The following PDE7A variants were observed in gnomAD, a reference collection of about 807,000 sequenced individuals.
PDE7A encodes the protein phosphodiesterase 7A.
A neutral mutation model predicts 64.3 loss-of-function variants in PDE7A; 39 were observed. The ratio of observed to expected loss-of-function variants is 0.61; its 90% CI spans 0.47 to 0.79. The LOEUF (loss-of-function observed/expected upper bound fraction) is 0.79. PDE7A is among the 30% of genes least tolerant of loss of function. The pLI, the probability that PDE7A is intolerant of heterozygous loss-of-function variation, is 0.00. For missense variants in PDE7A, 470 were observed against 582.8 expected (o/e 0.81, Z 1.99); for synonymous variants, 203 against 206.8 (o/e 0.98, Z 0.16).
intron 3 of PDE7A, among the ~76,000 whole-genome samples, chr8:65,759,341 G>A (rs1301041407): frequency 6.6e-6 from 1 of 152,146 alleles, no homozygotes; most frequent in East Asian, 1.9e-4. Context: ...AGGCCAAGAG[G>A]GCCAAATCTT....
intron 6 of PDE7A, 53 bp from the exon 7 acceptor site, chr8:65,734,947 G>A: frequency 2.7e-6 from 3 of 1,099,682 alleles, no homozygotes; most frequent in Non-Finnish European, 4.2e-6. Context: ...ACATATACAA[G>A]GACAAAAATT....
chr8:65,829,174 T>C (rs920786409), intron 1 of PDE7A, among the ~76,000 whole-genome samples: 3 of 152,134 alleles, frequency 2.0e-5, no homozygotes, highest in Admixed American at 6.5e-5. Flanking sequence ...GCTCGCTGTA[T>C]GTTATGATAT....
At chr8:65,812,218 A>AC (rs1421359730) in intron 1 of PDE7A, among the ~76,000 whole-genome samples, 1 of 152,114 alleles carries the variant, frequency 6.6e-6, no homozygotes, top group Non-Finnish European at 1.5e-5. Context: ...AACAGAAAAA[A>AC]AAAAAAAAAA....
intron 1 of PDE7A, among the ~76,000 whole-genome samples, chr8:65,813,229 C>T (rs1040934384): frequency 1.3e-4 from 20 of 152,094 alleles, no homozygotes; most frequent in South Asian, 4.1e-4. Flanking sequence ...TCTACCACTT[C>T]TAGAAATGAA....
At position 65,830,567 on chromosome 8, in the gene PDE7A, T is replaced by G. The variant is rs555308023; in HGVS notation, c.138+10804A>C. Among the ~76,000 whole-genome samples the G allele has an allele frequency of 2.6e-5, 4 of 152,166 alleles. No individual in the cohort carries two copies. In the South Asian group the frequency reaches 8.3e-4, roughly 32 times the overall value. On this transcript the variant is annotated intron_variant, in intron 1 of 12. Coordinates refer to ENST00000401827, the MANE Select transcript of PDE7A (RefSeq NM_001242318.3). ...AAATGGATAAAATAATTGAAATAAATCAGCCCCATCTATCCCACTGAAAAC... is the reference window on the plus strand; with the variant it reads ...AAATGGATAAAATAATTGAAATAAAGCAGCCCCATCTATCCCACTGAAAAC...
Position 65,715,403 on chromosome 8 carries a change from A to T in PDE7A, c.*3887T>A, listed in dbSNP as rs1473269091. ...AGTTTTTTTTTTTTTTTTGAGACAG[A>T]GTCTTGCTCTGTCACCTAGGCTGGA... On this transcript the variant is annotated 3_prime_UTR_variant, in exon 13 of 13. Coordinates refer to ENST00000401827, the MANE Select transcript of PDE7A (RefSeq NM_001242318.3). Among the ~76,000 whole-genome samples the T allele has an allele frequency of 1.3e-5, 2 of 149,670 alleles. No homozygotes were observed. Among genetic ancestry groups the T allele is most frequent in the Non-Finnish European group, 3.0e-5 (2 of 67,470 alleles).
rs1231099542 is a variant in PDE7A at position 65,714,749 on chromosome 8, T to C, written c.*4541A>G. ...TTGAAAACACTGGAAATACCTGATG[T>C]GAGAGTTTTAAGAAAATAGAAAGTT... is the stretch of plus-strand genomic sequence containing the variant. On this transcript the variant is annotated 3_prime_UTR_variant, in exon 13 of 13. Coordinates refer to ENST00000401827, the MANE Select transcript of PDE7A (RefSeq NM_001242318.3). 1.3e-5 allele frequency: 2 copies of C among 152,210 alleles called. No individual in the cohort carries two copies. Among genetic ancestry groups the C allele is most frequent in the African/African-American group, 4.8e-5 (2 of 41,448 alleles). The allele number at this position is 152,210 out of a possible 1,614,324, so 9.4% of individuals were successfully genotyped here.
intron 7 of PDE7A, among the ~76,000 whole-genome samples, chr8:65,732,975 G>A (rs1806962060): frequency 6.6e-6 from 1 of 152,032 alleles, no homozygotes. Context: ...CTCCCAAAGT[G>A]CAGAACTACA....
intron 6 of PDE7A, among the ~76,000 whole-genome samples, chr8:65,739,174 C>T (rs1279639596): frequency 6.6e-6 from 1 of 152,184 alleles, no homozygotes; most frequent in African/African-American, 2.4e-5. Flanking sequence ...TGGTGCCAAA[C>T]TCCTCTGCTT....
At chr8:65,798,206 A>ATTTTTTTTTTT (rs1554568896) in intron 1 of PDE7A, among the ~76,000 whole-genome samples, 1 of 73,834 alleles carries the variant, frequency 1.4e-5, no homozygotes, top group African/African-American at 5.8e-5. Context: ...ATATATATAT[A>ATTTTTTTTTTT]TTTTTTTTTT....
At chr8:65,828,919 T>C (rs1253521631) in intron 1 of PDE7A, among the ~76,000 whole-genome samples, 1 of 152,118 alleles carries the variant, frequency 6.6e-6, no homozygotes, top group Non-Finnish European at 1.5e-5. Context: ...TACCGAGTAG[T>C]CTTATATTCG....
chr8:65,828,443 G>C (rs1320231789), intron 1 of PDE7A, among the ~76,000 whole-genome samples: 1 of 152,074 alleles, frequency 6.6e-6, no homozygotes, highest in Non-Finnish European at 1.5e-5. Context: ...ATTGGATACA[G>C]AGTTTTCTGT....
At chr8:65,778,490 A>C (rs548019919) in intron 3 of PDE7A, among the ~76,000 whole-genome samples, 2 of 152,288 alleles carry the variant, frequency 1.3e-5, no homozygotes, top group South Asian at 4.1e-4. Flanking sequence ...ATTCCAATCA[A>C]AGACCAAGAC....
At chr8:65,751,512 G>A (rs191130760) in intron 3 of PDE7A, among the ~76,000 whole-genome samples, 1 of 148,558 alleles carries the variant, frequency 6.7e-6, no homozygotes, top group East Asian at 2.0e-4. Flanking sequence ...ATCTCTTGTT[G>A]CCCATTCTTG....
chr8:65,727,086 T>C (rs990535659), intron 8 of PDE7A, 84 bp downstream of exon 8: 22 of 1,034,182 alleles, frequency 2.1e-5, no homozygotes, highest in African/African-American at 3.2e-5. Context: ...TGAGAATTTA[T>C]TTTCATTACT....
chr8:65,757,293 C>T (rs1208689077), intron 3 of PDE7A, among the ~76,000 whole-genome samples: 1 of 152,224 alleles, frequency 6.6e-6, no homozygotes, highest in Non-Finnish European at 1.5e-5. Context: ...CAACAAAAGA[C>T]TGTAACAAGG....
At position 65,769,577 on chromosome 8, in the gene PDE7A, G is replaced by A. The variant is rs115285404; in HGVS notation, c.283+10143C>T. Among the ~76,000 whole-genome samples the A allele has an allele frequency of 5.6e-3, 857 of 152,190 alleles. 9 individuals carry two copies. The highest frequency in any genetic ancestry group is 0.019 in the African/African-American group (804 of 41,510). ...GCTCTTTATAAATAACTACAGAACT[G>A]GCCTAAATTTCAGTTAATTAACAAA... On this transcript the variant is annotated intron_variant, in intron 3 of 12. Transcript: ENST00000401827.
At chr8:65,798,036 T>C (rs80288855) in intron 1 of PDE7A, among the ~76,000 whole-genome samples, 8,578 of 150,090 alleles carry the variant, frequency 0.057, 351 homozygotes, top group Middle Eastern at 0.11. Flanking sequence ...ACCTCTGTTC[T>C]TCAAAACACA....
At chr8:65,797,908 A>G (rs928946870) in intron 1 of PDE7A, among the ~76,000 whole-genome samples, 1 of 151,368 alleles carries the variant, frequency 6.6e-6, no homozygotes, top group African/African-American at 2.4e-5. Context: ...TAAAATTTCT[A>G]AGAAAATGTA....
Sources: allele counts gnomAD v4.1 joint callset (sites outside exome capture counted in the v4.1 genomes callset), GRCh38; gene constraint gnomAD v4.1.1; transcripts MANE v1.5; gene names NCBI Gene and HGNC (gene_info 2026-07-23, HGNC 2026-07-21).